Variants in TNFRSF13B observed in about 807,000 individuals in gnomAD.
TNFRSF13B encodes TNF receptor superfamily member 13B.
A neutral mutation model predicts 24.0 loss-of-function variants in TNFRSF13B; 34 were observed. The observed-to-expected ratio is 1.41, with a 90% CI of 1.08 to 1.88. TNFRSF13B has a LOEUF of 1.88. TNFRSF13B is among the 40% of genes most tolerant of loss of function. The pLI is 0.00. For synonymous variants in TNFRSF13B, 173 were observed against 150.3 expected, an observed-to-expected ratio of 1.15 and a Z score of -1.10; for missense variants, 415 against 380.8, an observed-to-expected ratio of 1.09 and a Z score of -0.75.
At chr17:16,941,600 AC>A in intron 3 of TNFRSF13B, 1 of 984,918 alleles carries the variant, frequency 1.0e-6, no homozygotes, top group East Asian at 1.1e-4. Flanking sequence ...GCAGACAACT[AC>A]CCCCATTAAA....
intron 2 of TNFRSF13B, among the ~76,000 whole-genome samples, chr17:16,951,571 A>G (rs1313002982): frequency 2.0e-5 from 3 of 152,200 alleles, no homozygotes; most frequent in Admixed American, 6.5e-5. Flanking sequence ...GTAAAATTAT[A>G]TGAGATCTTG....
At chr17:16,960,522 T>C (rs893287074) in intron 1 of TNFRSF13B, among the ~76,000 whole-genome samples, 9 of 152,276 alleles carry the variant, frequency 5.9e-5, no homozygotes, top group Admixed American at 4.6e-4. Flanking sequence ...AAAAGGACAG[T>C]CTCTTCCATA....
chr17:16,971,358 A>C (rs901997797), intron 1 of TNFRSF13B, among the ~76,000 whole-genome samples: 2 of 49,648 alleles, frequency 4.0e-5, no homozygotes, highest in Admixed American at 1.9e-4. Flanking sequence ...CAAAAAACAA[A>C]AACAAAAACA....
Position 16,940,465 on chromosome 17 carries a change from G to C in TNFRSF13B, c.492C>G (p.Tyr164Ter), listed in dbSNP as rs72553882. ...CACACAGGCAGAGCCCCAGCGTGCT[G>C]TAGACCAGGGCCACCTGATCTGCAC... ...KLSADQVALV[Y>*]STLGLCLCAV... Residue 164 changes from tyrosine to a stop codon, truncating the protein, a stop_gained, in exon 4 of 5, where the codon TAC becomes TAG. Transcript: ENST00000261652. LOFTEE classifies it high-confidence loss of function. The C allele has an allele frequency of 9.7e-5, 156 of 1,613,760 alleles. No homozygotes were observed. The highest frequency in any genetic ancestry group is 1.3e-4 in the Non-Finnish European group (153 of 1,180,026).
intron 3 of TNFRSF13B, among the ~76,000 whole-genome samples, chr17:16,943,808 C>G (rs927536725): frequency 6.6e-6 from 1 of 152,226 alleles, no homozygotes; most frequent in Non-Finnish European, 1.5e-5. Flanking sequence ...CGTCTTCTGC[C>G]GGACAGATGA....
At chr17:16,953,167 A>G (rs1465486105) in intron 1 of TNFRSF13B, among the ~76,000 whole-genome samples, 2 of 152,128 alleles carry the variant, frequency 1.3e-5, no homozygotes, top group African/African-American at 2.4e-5. Context: ...TCTGGCAGGG[A>G]CTGTGCCTAA....
intron 1 of TNFRSF13B, among the ~76,000 whole-genome samples, chr17:16,968,444 C>G (rs908190751): frequency 1.3e-5 from 2 of 152,190 alleles, no homozygotes; most frequent in Admixed American, 1.3e-4. Flanking sequence ...CAAGGATACC[C>G]AGACTATTCA....
chr17:16,953,213 A>G (rs2087602279), intron 1 of TNFRSF13B, among the ~76,000 whole-genome samples: 1 of 152,226 alleles, frequency 6.6e-6, no homozygotes, highest in Admixed American at 6.5e-5. Flanking sequence ...CAGAACCTAG[A>G]TAGTACTTAG....
intron 1 of TNFRSF13B, 60 bp from the exon 2 acceptor site, chr17:16,952,643 T>C: frequency 6.2e-7 from 1 of 1,612,632 alleles, no homozygotes; most frequent in Non-Finnish European, 8.5e-7. Context: ...CTCTTGTCCC[T>C]GATGGGAACC....
chr17:16,972,054 T>C lies in TNFRSF13B; in HGVS notation c.22A>G (p.Arg8Gly). The C allele has an allele frequency of 1.2e-6, 2 of 1,614,102 alleles. No individual in the cohort carries two copies. Among genetic ancestry groups the C allele is most frequent in the South Asian group, 2.2e-5 (2 of 91,088 alleles). ...TCCACACGGCTCCGGCCACCTCGCC[T>C]GCTCCGGCCCAGGCCACTCATTACT... MSGLGRS[R>G]RGGRSRVDQE... The change falls in exon 1 of 5, where the codon AGG (arginine) becomes GGG (glycine). Residue 8 changes from arginine to glycine, a missense_variant. Physicochemically the swap from Arg to Gly is moderately radical, Grantham distance 125. Transcript: ENST00000261652.
At chr17:16,961,995 T>A (rs543815845) in intron 1 of TNFRSF13B, among the ~76,000 whole-genome samples, 1 of 152,056 alleles carries the variant, frequency 6.6e-6, no homozygotes, top group East Asian at 1.9e-4. Context: ...AGCATGATGG[T>A]GAAGGACTTC....
intron 1 of TNFRSF13B, among the ~76,000 whole-genome samples, chr17:16,971,043 C>G (rs1029329161): frequency 1.4e-4 from 22 of 152,162 alleles, no homozygotes; most frequent in African/African-American, 4.8e-4. Flanking sequence ...CTTAGAAACC[C>G]ACCCTGATGA....
chr17:16,942,141 ATAG>A (rs1221827252), intron 3 of TNFRSF13B, among the ~76,000 whole-genome samples: 1 of 152,162 alleles, frequency 6.6e-6, no homozygotes, highest in Non-Finnish European at 1.5e-5. Flanking sequence ...GGGTCACATA[ATAG>A]CTCTGTTTTG....
intron 1 of TNFRSF13B, among the ~76,000 whole-genome samples, chr17:16,963,390 A>G (rs886774324): frequency 3.3e-4 from 51 of 152,284 alleles, no homozygotes; most frequent in Admixed American, 3.3e-3. Context: ...GTGTCTGTGC[A>G]GGAGTGAAGG....
In TNFRSF13B at chr17:16,948,714, G is replaced by T. The variant is rs763537573; in HGVS notation, c.445+24C>A. On this transcript the variant is annotated intron_variant, in intron 3 of 4. Coordinates refer to ENST00000261652, the MANE Select transcript of TNFRSF13B (RefSeq NM_012452.3). The stretch of plus-strand genomic sequence containing the variant: ...GCTTTCTCACCCTGCGTGACACCAT[G>T]CAGGTTTGCCTTGGGTGGCTTACCT... 3 of 1,613,158 alleles carry T rather than the reference G, an allele frequency of 1.9e-6. No homozygotes were observed. The East Asian group carries it at 6.7e-5, about 36-fold the overall frequency.
chr17:16,967,346 T>TA (rs1468194804), intron 1 of TNFRSF13B, among the ~76,000 whole-genome samples: 1 of 152,140 alleles, frequency 6.6e-6, no homozygotes, highest in East Asian at 1.9e-4. Flanking sequence ...AAACAAGGTA[T>TA]ATAACGGCAT....
At chr17:16,962,505 TC>T (rs561141175) in intron 1 of TNFRSF13B, among the ~76,000 whole-genome samples, 4 of 126,398 alleles carry the variant, frequency 3.2e-5, no homozygotes, top group Non-Finnish European at 4.9e-5. Flanking sequence ...AGACTCGGTC[TC>T]CCCCCCCAAA....
rs549115846 is a variant in TNFRSF13B, at chr17:16,956,681, A to G, written c.62-4098T>C. ...TATTCAAACAATGGACTGTTATTCA[A>G]TACTGAAAAATGAGCCATCAAGGCA... On this transcript the variant is annotated intron_variant, in intron 1 of 4. Transcript: ENST00000261652. Among the ~76,000 whole-genome samples, 12 of 152,394 alleles carry G rather than the reference A, an allele frequency of 7.9e-5. No individual in the cohort carries two copies. In the South Asian group the frequency reaches 1.0e-3, roughly 13 times the overall value.
chr17:16,957,261 C>G (rs1490511889), intron 1 of TNFRSF13B, among the ~76,000 whole-genome samples: 3 of 148,132 alleles, frequency 2.0e-5, no homozygotes, highest in Non-Finnish European at 4.5e-5. Flanking sequence ...TGGAAGGGAA[C>G]TATCGCAAAT....
Sources: allele counts gnomAD v4.1 joint callset (sites outside exome capture counted in the v4.1 genomes callset), GRCh38; gene constraint gnomAD v4.1.1; transcripts MANE v1.5; gene names NCBI Gene and HGNC (gene_info 2026-07-23, HGNC 2026-07-21).